Variants in CTNNA2 observed in about 807,000 individuals in gnomAD.
The protein encoded by CTNNA2 is catenin alpha 2, also known as catenin alpha-2.
CTNNA2 carries 42 observed loss-of-function variants against 101.0 expected under a neutral mutation model. The observed-to-expected ratio is 0.42, with a 90% CI of 0.32 to 0.54. The LOEUF (loss-of-function observed/expected upper bound fraction) is 0.54. Ranked by LOEUF, CTNNA2 falls within the 20% of genes least tolerant of loss-of-function variation. The pLI is 0.14. For synonymous variants in CTNNA2, 450 were observed against 456.4 expected, an observed-to-expected ratio of 0.99 and a Z score of 0.18; for missense variants, 871 against 1,223.1, an observed-to-expected ratio of 0.71 and a Z score of 4.29.
intron 8 of CTNNA2, among the ~76,000 whole-genome samples, chr2:80,405,943 T>C (rs924367730): frequency 6.6e-5 from 10 of 152,240 alleles, no homozygotes; most frequent in South Asian, 2.1e-4. Context: ...TGTTTAACTG[T>C]TAAGGGCAGG....
rs540395464 is a variant in CTNNA2, at chr2:79,202,369, G to A, written c.-406+4293G>A. 4.6e-5 allele frequency among the ~76,000 whole-genome samples: 7 copies of A among 150,908 alleles called. No individual in the cohort carries two copies. In the South Asian group the frequency reaches 1.3e-3, roughly 27 times the overall value. ...ATTTTTTTTATTTTTTTGAGACAGG[G>A]TCTCACTCTGTCACCCAGGCTGAAC... On this transcript the variant is annotated intron_variant, in intron 2 of 21. Transcript: ENST00000466387.
chr2:79,446,041 A>C (rs562235033), intron 4 of CTNNA2, among the ~76,000 whole-genome samples: 23 of 152,238 alleles, frequency 1.5e-4, no homozygotes, highest in African/African-American at 5.5e-4. Flanking sequence ...TGGGCTCTGG[A>C]ATCAAACTCA....
intron 1 of CTNNA2, among the ~76,000 whole-genome samples, chr2:79,562,890 T>G (rs1674868881): frequency 6.6e-6 from 1 of 151,992 alleles, no homozygotes; most frequent in Admixed American, 6.6e-5. Context: ...TGTGTATGTC[T>G]GTGTGTGTCT....
intron 7 of CTNNA2, among the ~76,000 whole-genome samples, chr2:80,351,260 C>G (rs12463941): frequency 0.39 from 59,047 of 151,922 alleles, 14,111 homozygotes; most frequent in African/African-American, 0.68. Flanking sequence ...CCCACATAGG[C>G]AGAGTGGCTT....
chr2:80,254,050 G>C (rs1382982900), intron 7 of CTNNA2, among the ~76,000 whole-genome samples: 1 of 152,094 alleles, frequency 6.6e-6, no homozygotes, highest in Non-Finnish European at 1.5e-5. Flanking sequence ...CTTGCCAGTT[G>C]AATTCAAATC....
At chr2:79,945,712 G>A (rs1688446218) in intron 7 of CTNNA2, among the ~76,000 whole-genome samples, 1 of 152,138 alleles carries the variant, frequency 6.6e-6, no homozygotes, top group African/African-American at 2.4e-5. Flanking sequence ...GAGATGAATA[G>A]TAAAATAAGT....
At chr2:79,376,571 G>A (rs1338285162) in intron 4 of CTNNA2, among the ~76,000 whole-genome samples, 2 of 151,798 alleles carry the variant, frequency 1.3e-5, no homozygotes, top group Non-Finnish European at 2.9e-5. Flanking sequence ...TGCCATGTTG[G>A]TGTGCTGCAC....
chr2:80,561,322 A>G (rs1006396278), intron 12 of CTNNA2, among the ~76,000 whole-genome samples: 1 of 152,214 alleles, frequency 6.6e-6, no homozygotes, highest in Non-Finnish European at 1.5e-5. Flanking sequence ...TCCAGTAAAG[A>G]GCCCTTAAAT....
intron 7 of CTNNA2, among the ~76,000 whole-genome samples, chr2:80,307,836 G>A (rs764549213): frequency 2.0e-5 from 3 of 152,176 alleles, no homozygotes; most frequent in East Asian, 1.9e-4. Flanking sequence ...ATGTGATTGG[G>A]CACTGAGGCC....
At chr2:80,222,127 T>A (rs1220243778) in intron 7 of CTNNA2, among the ~76,000 whole-genome samples, 1 of 152,010 alleles carries the variant, frequency 6.6e-6, no homozygotes, top group Non-Finnish European at 1.5e-5. Context: ...CAATACACAG[T>A]GAGATAGGAG....
chr2:79,544,813 G>T (rs1028968165), intron 1 of CTNNA2, among the ~76,000 whole-genome samples: 3 of 152,112 alleles, frequency 2.0e-5, no homozygotes, highest in Non-Finnish European at 4.4e-5. Flanking sequence ...CCTTGCTTGA[G>T]CTCTGGGTGA....
intron 9 of CTNNA2, among the ~76,000 whole-genome samples, chr2:80,447,258 C>T (rs1038440999): frequency 2.6e-5 from 4 of 152,158 alleles, no homozygotes; most frequent in Admixed American, 1.3e-4. Flanking sequence ...CCAATGCCTT[C>T]AATCTATTAC....
At chr2:79,914,484 G>C (rs534641549) in intron 7 of CTNNA2, among the ~76,000 whole-genome samples, 61 of 152,300 alleles carry the variant, frequency 4.0e-4, no homozygotes, top group African/African-American at 1.4e-3. Context: ...TTAGGCCTAT[G>C]ATGAGAATAT....
chr2:79,766,274 C>A (rs796831645), intron 3 of CTNNA2, among the ~76,000 whole-genome samples: 1 of 152,082 alleles, frequency 6.6e-6, no homozygotes, highest in South Asian at 2.1e-4. Flanking sequence ...CTCCTTTGTG[C>A]TTGAAGGATG....
intron 17 of CTNNA2, among the ~76,000 whole-genome samples, chr2:80,617,995 G>T (rs971369093): frequency 1.3e-5 from 2 of 151,662 alleles, no homozygotes; most frequent in African/African-American, 4.8e-5. Flanking sequence ...TCAGATGAAG[G>T]CCTTTTATGT....
intron 1 of CTNNA2, among the ~76,000 whole-genome samples, chr2:79,644,774 T>C (rs1222729043): frequency 6.6e-6 from 1 of 152,168 alleles, no homozygotes. Context: ...CATTCCTTTA[T>C]ATCTCTCTCT....
Position 80,423,545 on chromosome 2 carries a change from T to TAAG in CTNNA2, c.1290+3945_1290+3947dup, listed in dbSNP as rs1488701015. ...ATTAATCACAGTTATTTCAAAAGCCTAAGTCAAAGAACTCCAATGTTTGGA... is the reference window on the plus strand; with the variant it reads ...ATTAATCACAGTTATTTCAAAAGCCTAAGAAGTCAAAGAACTCCAATGTTTGGA... On this transcript the variant is annotated intron_variant, in intron 9 of 18. Transcript: ENST00000402739. Among the ~76,000 whole-genome samples, 13 of 152,322 alleles carry TAAG rather than the reference T, an allele frequency of 8.5e-5. No individual in the cohort carries two copies. The East Asian group carries it at 2.5e-3, about 29-fold the overall frequency.
At position 79,459,345 on chromosome 2, in the gene CTNNA2, G is replaced by GA. The variant is rs528922561; in HGVS notation, c.-134-45703dup. On this transcript the variant is annotated intron_variant, in intron 4 of 21. Transcript: ENST00000466387. ...ACATACAGACAAATTGTATTTTTAG[G>GA]AAAAAATAGTTTCAAATAGAGGAAT... is the stretch of plus-strand genomic sequence containing the variant. 7.8e-4 allele frequency among the ~76,000 whole-genome samples: 118 copies of GA among 151,296 alleles called. No homozygotes were observed. The East Asian group carries it at 0.018, about 23-fold the overall frequency.
intron 7 of CTNNA2, among the ~76,000 whole-genome samples, chr2:80,144,087 T>G (rs1703178572): frequency 6.6e-6 from 1 of 152,184 alleles, no homozygotes; most frequent in Admixed American, 6.6e-5. Context: ...TTTTTGTCAC[T>G]TTTGCCCCGT....
Sources: gnomAD v4.1 joint callset for allele counts (sites outside exome capture counted in the v4.1 genomes callset) on GRCh38, gnomAD v4.1.1 for gene constraint, MANE v1.5 for transcripts, NCBI Gene and HGNC (gene_info 2026-07-23, HGNC 2026-07-21) for gene names.